The following KCTD8 variants were observed in gnomAD, a reference collection of about 807,000 sequenced individuals.
KCTD8 encodes the protein potassium channel tetramerization domain containing 8, also known as BTB/POZ domain-containing protein KCTD8.
Under a neutral mutation model 31.5 loss-of-function variants are expected in KCTD8, and 27 were observed. The observed-to-expected ratio is 0.86, with a 90% CI of 0.63 to 1.18. KCTD8 has a LOEUF of 1.18. Ranked by LOEUF, KCTD8 falls within the 50% of genes most tolerant of loss-of-function variation. The probability of loss-of-function intolerance (pLI) is 0.00; values close to 1 mark genes in which losing one functional copy is unlikely to be tolerated. For synonymous variants in KCTD8, 290 were observed against 280.0 expected, an observed-to-expected ratio of 1.04 and a Z score of -0.36; for missense variants, 658 against 647.7, an observed-to-expected ratio of 1.02 and a Z score of -0.17.
At chr4:44,357,389 A>C (rs1719371347) in intron 1 of KCTD8, among the ~76,000 whole-genome samples, 1 of 152,220 alleles carries the variant, frequency 6.6e-6, no homozygotes, top group Non-Finnish European at 1.5e-5. Flanking sequence ...TGAATAAATG[A>C]ATGAAGCATT....
At chr4:44,388,645 C>A (rs1157333752) in intron 1 of KCTD8, among the ~76,000 whole-genome samples, 1 of 151,590 alleles carries the variant, frequency 6.6e-6, no homozygotes, top group Non-Finnish European at 1.5e-5. Context: ...TAAGTGGAAG[C>A]TAAATGATGA....
chr4:44,200,943 A>G (rs528681887), intron 1 of KCTD8, among the ~76,000 whole-genome samples: 1 of 152,272 alleles, frequency 6.6e-6, no homozygotes, highest in South Asian at 2.1e-4. Flanking sequence ...TGAAACTGAT[A>G]AACAACTTCA....
At chr4:44,300,092 T>G (rs28683004) in intron 1 of KCTD8, among the ~76,000 whole-genome samples, 2,102 of 152,182 alleles carry the variant, frequency 0.014, 46 homozygotes, top group African/African-American at 0.048. Context: ...TTGACTATTT[T>G]TCAAATGTAA....
intron 1 of KCTD8, among the ~76,000 whole-genome samples, chr4:44,247,461 C>A (rs1039504823): frequency 6.6e-6 from 1 of 151,094 alleles, no homozygotes; most frequent in Non-Finnish European, 1.5e-5. Context: ...TGTGTGTGTG[C>A]GTGTGTGTGT....
intron 1 of KCTD8, among the ~76,000 whole-genome samples, chr4:44,204,425 T>C (rs138099024): frequency 1.3e-5 from 2 of 152,316 alleles, no homozygotes; most frequent in East Asian, 3.9e-4. Flanking sequence ...ACAGACATTG[T>C]ATAGAAAAGC....
chr4:44,314,187 C>A (rs1421735939), intron 1 of KCTD8, among the ~76,000 whole-genome samples: 1 of 152,100 alleles, frequency 6.6e-6, no homozygotes, highest in Non-Finnish European at 1.5e-5. Flanking sequence ...ATGGAGACTT[C>A]ATTCATAAGG....
chr4:44,219,042 A>C (rs956552650), intron 1 of KCTD8, among the ~76,000 whole-genome samples: 3 of 152,172 alleles, frequency 2.0e-5, no homozygotes, highest in African/African-American at 7.2e-5. Context: ...TGAGATCATA[A>C]CACAGGTTTG....
At chr4:44,368,096 G>A (rs759848327) in intron 1 of KCTD8, among the ~76,000 whole-genome samples, 11 of 152,104 alleles carry the variant, frequency 7.2e-5, no homozygotes, top group South Asian at 2.1e-4. Flanking sequence ...AGCAAATCAG[G>A]CCAGTTGTGG....
chr4:44,310,613 C>A (rs747431242), intron 1 of KCTD8, among the ~76,000 whole-genome samples: 12 of 152,022 alleles, frequency 7.9e-5, no homozygotes, highest in Non-Finnish European at 1.8e-4. Flanking sequence ...TCAAAGTTAG[C>A]AGTCTTGGTA....
intron 1 of KCTD8, among the ~76,000 whole-genome samples, chr4:44,289,604 G>A (rs1195236659): frequency 1.3e-5 from 2 of 152,224 alleles, no homozygotes; most frequent in East Asian, 3.9e-4. Flanking sequence ...AAGAGATGGT[G>A]AGGCAACCCA....
intron 1 of KCTD8, among the ~76,000 whole-genome samples, chr4:44,260,036 G>A (rs937243332): frequency 2.0e-5 from 3 of 151,606 alleles, no homozygotes; most frequent in African/African-American, 2.4e-5. Context: ...AGGAAGGCAG[G>A]CAGAAAATGA....
chr4:44,316,622 A>G (rs1718115757), intron 1 of KCTD8, among the ~76,000 whole-genome samples: 1 of 151,960 alleles, frequency 6.6e-6, no homozygotes, highest in Non-Finnish European at 1.5e-5. Context: ...GAGGTATGTC[A>G]GCAGGTAATC....
intron 1 of KCTD8, among the ~76,000 whole-genome samples, chr4:44,240,796 G>A (rs1406600965): frequency 1.3e-5 from 2 of 152,154 alleles, no homozygotes; most frequent in Admixed American, 1.3e-4. Context: ...AAGATCAACT[G>A]ACCATGATCA....
chr4:44,254,072 G>T (rs1450198843), intron 1 of KCTD8, among the ~76,000 whole-genome samples: 3 of 151,882 alleles, frequency 2.0e-5, no homozygotes, highest in African/African-American at 7.2e-5. Context: ...GAAAATAGAA[G>T]ATATATTTAT....
intron 1 of KCTD8, among the ~76,000 whole-genome samples, chr4:44,412,712 T>TA (rs1720991023): frequency 1.3e-5 from 2 of 152,262 alleles, no homozygotes; most frequent in East Asian, 3.9e-4. Flanking sequence ...TAAGAGTATT[T>TA]AACTGGACAC....
intron 1 of KCTD8, among the ~76,000 whole-genome samples, chr4:44,358,671 C>A (rs909161625): frequency 2.0e-5 from 3 of 152,010 alleles, no homozygotes; most frequent in Non-Finnish European, 4.4e-5. Context: ...CGGGTTCATG[C>A]CATTCTCCTG....
At chr4:44,370,944 A>G (rs55948580) in intron 1 of KCTD8, among the ~76,000 whole-genome samples, 10,797 of 152,190 alleles carry the variant, frequency 0.071, 458 homozygotes, top group South Asian at 0.11. Flanking sequence ...TTTATTGTGA[A>G]GAATTGGCTC....
intron 1 of KCTD8, among the ~76,000 whole-genome samples, chr4:44,182,600 A>G (rs535013154): frequency 5.3e-5 from 8 of 152,226 alleles, no homozygotes; most frequent in Admixed American, 3.9e-4. Context: ...CATGCTCGTT[A>G]AGAGTCATCA....
intron 1 of KCTD8, among the ~76,000 whole-genome samples, chr4:44,301,025 G>A (rs1386741004): frequency 6.6e-6 from 1 of 151,688 alleles, no homozygotes; most frequent in Non-Finnish European, 1.5e-5. Context: ...TTTCATCCAT[G>A]TCCCTACAAA....
Sources: gnomAD v4.1 joint callset for allele counts (sites outside exome capture counted in the v4.1 genomes callset) on GRCh38, gnomAD v4.1.1 for gene constraint, MANE v1.5 for transcripts, NCBI Gene and HGNC (gene_info 2026-07-23, HGNC 2026-07-21) for gene names.